SHISA6: variants seen among roughly 807,000 people sequenced by gnomAD.
SHISA6 encodes shisa family member 6.
In SHISA6, 22 loss-of-function variants were observed where a neutral mutation model predicts 47.9. The observed-to-expected ratio is 0.46, with a 90% CI of 0.33 to 0.66. The LOEUF is 0.66. Ranked by LOEUF, SHISA6 falls within the 30% of genes least tolerant of loss-of-function variation. The pLI, the probability that SHISA6 is intolerant of heterozygous loss-of-function variation, is 0.02. For missense variants in SHISA6, 680 were observed against 764.6 expected (o/e 0.89, Z 1.30); for synonymous variants, 388 against 337.8 (o/e 1.15, Z -1.63).
At chr17:11,334,205 T>G (rs12951581) in intron 2 of SHISA6, among the ~76,000 whole-genome samples, 81,928 of 151,940 alleles carry the variant, frequency 0.54, 22,976 homozygotes, top group African/African-American at 0.69. Context: ...GAGCAGTCTC[T>G]TGGGACTGAG....
At chr17:11,513,267 A>G (rs952730491) in intron 3 of SHISA6, among the ~76,000 whole-genome samples, 2 of 151,714 alleles carry the variant, frequency 1.3e-5, no homozygotes, top group African/African-American at 4.8e-5. Flanking sequence ...CATAAGATAC[A>G]TACATATATA....
intron 3 of SHISA6, among the ~76,000 whole-genome samples, chr17:11,430,565 A>T (rs1914741778): frequency 6.6e-6 from 1 of 152,214 alleles, no homozygotes; most frequent in Non-Finnish European, 1.5e-5. Context: ...TGACTGATGT[A>T]TCACTGAAGA....
intron 3 of SHISA6, among the ~76,000 whole-genome samples, chr17:11,495,676 A>C (rs1254263419): frequency 6.6e-6 from 1 of 152,170 alleles, no homozygotes; most frequent in Non-Finnish European, 1.5e-5. Flanking sequence ...GCAAGGATGC[A>C]AGGCATCTTC....
chr17:11,324,429 C>T (rs1307309816), intron 2 of SHISA6, among the ~76,000 whole-genome samples: 2 of 152,158 alleles, frequency 1.3e-5, no homozygotes, highest in Non-Finnish European at 2.9e-5. Context: ...GTGCTGGGCA[C>T]AGGGGTTACT....
In SHISA6 at chr17:11,408,668, T is replaced by C. The variant is rs146531539; in HGVS notation, c.895+29159T>C. On this transcript the variant is annotated intron_variant, in intron 3 of 5. Coordinates refer to ENST00000441885, the MANE Select transcript of SHISA6 (RefSeq NM_207386.4). Reference sequence around the variant, plus strand: ...ATAAACTGCTGGGATATTGAAGCCATCTATTCATTGCCAACTCCAGAAAAA... The same window carrying C: ...ATAAACTGCTGGGATATTGAAGCCACCTATTCATTGCCAACTCCAGAAAAA... Among the ~76,000 whole-genome samples the C allele has an allele frequency of 1.3e-3, 203 of 152,312 alleles. 2 individuals carry two copies. Among genetic ancestry groups the C allele is most frequent in the African/African-American group, 4.5e-3 (187 of 41,566 alleles).
intron 2 of SHISA6, among the ~76,000 whole-genome samples, chr17:11,366,888 T>G (rs1228081790): frequency 1.3e-5 from 2 of 152,164 alleles, no homozygotes; most frequent in African/African-American, 4.8e-5. Flanking sequence ...TATGTTGAAG[T>G]CCGAATTGCT....
chr17:11,329,384 C>T (rs764583231), intron 2 of SHISA6, among the ~76,000 whole-genome samples: 5 of 152,130 alleles, frequency 3.3e-5, no homozygotes, highest in Non-Finnish European at 5.9e-5. Flanking sequence ...AAATAATGTG[C>T]ATGGGGGTAG....
At position 11,244,797 on chromosome 17, in the gene SHISA6, G is replaced by A. The variant is rs569846336; in HGVS notation, c.638+2737G>A. ...GCAAAGATGTTTCCTTTCTGAACAAGAAAGACAAACCGGTTTCAGTGTGTG... is the reference window on the plus strand; with the variant it reads ...GCAAAGATGTTTCCTTTCTGAACAAAAAAGACAAACCGGTTTCAGTGTGTG... On this transcript the variant is annotated intron_variant, in intron 1 of 5. Transcript: ENST00000441885. 3.5e-4 allele frequency among the ~76,000 whole-genome samples: 54 copies of A among 152,298 alleles called. 2 individuals are homozygous for A. The South Asian group carries it at 9.9e-3, about 28-fold the overall frequency.
intron 3 of SHISA6, among the ~76,000 whole-genome samples, chr17:11,481,013 T>C (rs1597541660): frequency 6.6e-6 from 1 of 151,904 alleles, no homozygotes; most frequent in East Asian, 1.9e-4. Flanking sequence ...GTGTGGTGGC[T>C]TATGCCTATA....
intron 3 of SHISA6, among the ~76,000 whole-genome samples, chr17:11,490,071 G>T (rs1916436784): frequency 6.6e-6 from 1 of 152,260 alleles, no homozygotes; most frequent in South Asian, 2.1e-4. Context: ...AGAAAGGTCA[G>T]AAATATACAG....
chr17:11,249,564 G>C (rs1907726116), intron 1 of SHISA6, among the ~76,000 whole-genome samples: 1 of 152,068 alleles, frequency 6.6e-6, no homozygotes, highest in African/African-American at 2.4e-5. Flanking sequence ...TACTTCCTTT[G>C]AAAGAACCTG....
chr17:11,455,684 C>T (rs140343852), intron 3 of SHISA6, among the ~76,000 whole-genome samples: 1 of 152,242 alleles, frequency 6.6e-6, no homozygotes, highest in Non-Finnish European at 1.5e-5. Flanking sequence ...TTCCTTTTCC[C>T]TGACACCCCC....
At chr17:11,285,375 A>G (rs908165095) in intron 2 of SHISA6, among the ~76,000 whole-genome samples, 2 of 152,132 alleles carry the variant, frequency 1.3e-5, no homozygotes, top group Non-Finnish European at 2.9e-5. Context: ...GTTGCAAATG[A>G]TACATCTGGG....
intron 3 of SHISA6, among the ~76,000 whole-genome samples, chr17:11,551,335 G>A (rs2071930429): frequency 1.3e-5 from 2 of 152,102 alleles, no homozygotes; most frequent in Admixed American, 1.3e-4. Flanking sequence ...TTTAAAGGCA[G>A]GACAGAGCCT....
At chr17:11,403,595 C>T (rs532235928) in intron 3 of SHISA6, among the ~76,000 whole-genome samples, 1 of 152,300 alleles carries the variant, frequency 6.6e-6, no homozygotes, top group South Asian at 2.1e-4. Flanking sequence ...AGACTGGCCA[C>T]TGGGTGGGTG....
intron 3 of SHISA6, among the ~76,000 whole-genome samples, chr17:11,435,485 C>T (rs974165796): frequency 1.4e-4 from 21 of 151,924 alleles, no homozygotes; most frequent in African/African-American, 4.8e-4. Flanking sequence ...GAAAACAGAG[C>T]TTATACTAAG....
intron 1 of SHISA6, among the ~76,000 whole-genome samples, chr17:11,252,854 A>C (rs1471561609): frequency 1.3e-5 from 2 of 152,064 alleles, no homozygotes; most frequent in Non-Finnish European, 2.9e-5. Flanking sequence ...TCCCTGTTGG[A>C]CTCATAGTTA....
intron 3 of SHISA6, among the ~76,000 whole-genome samples, chr17:11,442,877 T>A (rs1513752): frequency 0.33 from 50,174 of 152,022 alleles, 8,498 homozygotes; most frequent in Middle Eastern, 0.45. Context: ...CTCACCTGAC[T>A]TCTGCAGCCT....
Position 11,356,891 on chromosome 17 carries a change from G to A in SHISA6, c.800-22523G>A, listed in dbSNP as rs569417545. ...AACCCAGCACTCACTCCCATTTGCTGTTGCTCTGCTGTCCTATAAGAAACA... is the reference window on the plus strand; with the variant it reads ...AACCCAGCACTCACTCCCATTTGCTATTGCTCTGCTGTCCTATAAGAAACA... On this transcript the variant is annotated intron_variant, in intron 2 of 5. Transcript: ENST00000441885. 8.5e-5 allele frequency among the ~76,000 whole-genome samples: 13 copies of A among 152,258 alleles called. 1 individual carries two copies. In the South Asian group the frequency reaches 2.7e-3, roughly 32 times the overall value.
Sources: gnomAD v4.1 joint callset for allele counts (sites outside exome capture counted in the v4.1 genomes callset) on GRCh38, gnomAD v4.1.1 for gene constraint, MANE v1.5 for transcripts, NCBI Gene and HGNC (gene_info 2026-07-23, HGNC 2026-07-21) for gene names.